Variants in CDH4 observed in about 807,000 individuals in gnomAD.
CDH4 encodes cadherin 4.
CDH4 carries 33 observed loss-of-function variants against 86.0 expected under a neutral mutation model. That is an observed-to-expected ratio of 0.38 (90% CI 0.29 to 0.51). The LOEUF (loss-of-function observed/expected upper bound fraction) is 0.51, where lower values mean the gene tolerates loss of function less well. CDH4 is among the 20% of genes least tolerant of loss of function. The probability of loss-of-function intolerance (pLI) is 0.86; values close to 1 mark genes in which losing one functional copy is unlikely to be tolerated. For synonymous variants in CDH4, 555 were observed against 549.4 expected (o/e 1.01, Z -0.14); for missense variants, 1,114 against 1,307.4 (o/e 0.85, Z 2.28).
intron 2 of CDH4, among the ~76,000 whole-genome samples, chr20:61,412,644 C>T (rs969419262): frequency 1.6e-4 from 25 of 152,126 alleles, no homozygotes; most frequent in African/African-American, 5.3e-4. Context: ...CAAGATGGGC[C>T]CAGCCCCACC....
At chr20:61,276,826 A>C (rs1464281387) in intron 2 of CDH4, among the ~76,000 whole-genome samples, 1 of 152,134 alleles carries the variant, frequency 6.6e-6, no homozygotes, top group Non-Finnish European at 1.5e-5. Flanking sequence ...CACATTGTTC[A>C]TTGCTGTTAT....
intron 2 of CDH4, among the ~76,000 whole-genome samples, chr20:61,460,160 CAG>C (rs1164113077): frequency 6.6e-6 from 1 of 152,184 alleles, no homozygotes; most frequent in East Asian, 1.9e-4. Context: ...AGGCTGTTAA[CAG>C]GGAGCGCTTT....
At chr20:61,765,826 A>C (rs73303033) in intron 3 of CDH4, among the ~76,000 whole-genome samples, 8,157 of 151,982 alleles carry the variant, frequency 0.054, 388 homozygotes, top group African/African-American at 0.13. Flanking sequence ...CTCCCATCTC[A>C]AACCCTCATC....
intron 2 of CDH4, among the ~76,000 whole-genome samples, chr20:61,414,136 G>A (rs375043819): frequency 1.3e-5 from 2 of 152,210 alleles, no homozygotes; most frequent in East Asian, 1.9e-4. Context: ...CCTTAAAGGC[G>A]CTACCGCAAA....
At chr20:61,727,396 A>G (rs2088128802) in intron 2 of CDH4, among the ~76,000 whole-genome samples, 1 of 152,028 alleles carries the variant, frequency 6.6e-6, no homozygotes, top group East Asian at 1.9e-4. Context: ...TCTTATCACC[A>G]TTGCTGCCAT....
At chr20:61,528,959 A>G (rs894545196) in intron 2 of CDH4, among the ~76,000 whole-genome samples, 17 of 152,308 alleles carry the variant, frequency 1.1e-4, no homozygotes, top group African/African-American at 4.1e-4. Flanking sequence ...CATTTTAGAA[A>G]GGTTCCCAAC....
intron 2 of CDH4, among the ~76,000 whole-genome samples, chr20:61,421,659 A>AT (rs2085178440): frequency 6.6e-6 from 1 of 152,100 alleles, no homozygotes; most frequent in Non-Finnish European, 1.5e-5. Flanking sequence ...TCAAAAAAAA[A>AT]GGAGGAACTG....
chr20:61,341,512 A>T (rs1478701863), intron 2 of CDH4, among the ~76,000 whole-genome samples: 2 of 148,756 alleles, frequency 1.3e-5, no homozygotes, highest in African/African-American at 5.1e-5. Flanking sequence ...TTGGTTTCAT[A>T]TACTTTTTTT....
intron 2 of CDH4, among the ~76,000 whole-genome samples, chr20:61,686,637 G>C (rs562488174): frequency 6.7e-6 from 1 of 150,006 alleles, no homozygotes; most frequent in South Asian, 2.1e-4. Context: ...GCACATTCTC[G>C]TGTGCATTCG....
rs2085842891 is a variant in CDH4 at position 61,518,568 on chromosome 20, A to T, written c.170-224995A>T. On this transcript the variant is annotated intron_variant, in intron 2 of 15. Coordinates refer to ENST00000614565, the MANE Select transcript of CDH4 (RefSeq NM_001794.5). This position sits in a 1 kb window ranked among gnomAD's most constrained non-coding sequence, Gnocchi z 6.3. ...TTCATCCATCATCCTTCTATTTGTCATCTATCCATCCATATATCATCCATC... is the reference window on the plus strand; with the variant it reads ...TTCATCCATCATCCTTCTATTTGTCTTCTATCCATCCATATATCATCCATC... 6.6e-6 allele frequency among the ~76,000 whole-genome samples: 1 copy of T among 150,568 alleles called. No individual in the cohort carries two copies. Among genetic ancestry groups the T allele is most frequent in the South Asian group, 2.1e-4 (1 of 4,714 alleles).
At chr20:61,262,008 G>C (rs1420335430) in intron 2 of CDH4, among the ~76,000 whole-genome samples, 2 of 152,204 alleles carry the variant, frequency 1.3e-5, no homozygotes, top group Admixed American at 1.3e-4. Flanking sequence ...CAGCGCTGGG[G>C]AAGCCGGGCA....
chr20:61,836,742 G>A (rs758345405), intron 4 of CDH4, among the ~76,000 whole-genome samples: 8 of 152,216 alleles, frequency 5.3e-5, no homozygotes, highest in Non-Finnish European at 1.0e-4. Context: ...GTTTCACGTC[G>A]CCGAATCTTG....
chr20:61,483,753 T>A (rs976089658), intron 2 of CDH4, among the ~76,000 whole-genome samples: 6 of 134,770 alleles, frequency 4.5e-5, no homozygotes, highest in Non-Finnish European at 9.2e-5. Flanking sequence ...GGAGAAACCA[T>A]GTGACTGACA....
At chr20:61,907,669 C>T (rs561528371) in intron 8 of CDH4, among the ~76,000 whole-genome samples, 5 of 152,182 alleles carry the variant, frequency 3.3e-5, no homozygotes, top group Admixed American at 1.3e-4. Flanking sequence ...GAGTGAGTCC[C>T]GAAGCTCCCT....
At chr20:61,656,004 G>A (rs768264123) in intron 2 of CDH4, among the ~76,000 whole-genome samples, 4 of 152,188 alleles carry the variant, frequency 2.6e-5, no homozygotes, top group Non-Finnish European at 5.9e-5. Context: ...AGTCCTGAAG[G>A]GACCCAGACC....
chr20:61,546,097 G>C (rs1188482273), intron 2 of CDH4, among the ~76,000 whole-genome samples: 15 of 6,368 alleles, frequency 2.4e-3, no homozygotes, highest in South Asian at 6.8e-3. Context: ...TGTGTGTGTG[G>C]AGGGGTGTGT....
chr20:61,353,714 C>T, intron 2 of CDH4, among the ~76,000 whole-genome samples: 1 of 4,646 alleles, frequency 2.2e-4, no homozygotes, highest in Non-Finnish European at 3.9e-4. Flanking sequence ...TCCTCCCCTG[C>T]TTCCCCTTTT....
Position 61,934,035 on chromosome 20 carries a change from C to T in CDH4, c.2380-21C>T, listed in dbSNP as rs541453868. 8 of 1,609,762 alleles carry T rather than the reference C, an allele frequency of 5.0e-6. No homozygotes were observed. In the South Asian group the frequency reaches 7.7e-5, roughly 16 times the overall value. ...GCGGATTCTTCTGATGCCCCTGACT[C>T]CTCCCGGCTCCCTCCCCCAGGACTA... On this transcript the variant is annotated intron_variant, in intron 14 of 15. Coordinates refer to ENST00000614565, the MANE Select transcript of CDH4 (RefSeq NM_001794.5).
intron 2 of CDH4, among the ~76,000 whole-genome samples, chr20:61,440,321 G>A (rs6061421): frequency 0.17 from 25,514 of 151,984 alleles, 2,231 homozygotes; most frequent in Non-Finnish European, 0.18. Context: ...TTCTAGACTC[G>A]TTTTTGCAAA....
Sources: allele counts gnomAD v4.1 joint callset (sites outside exome capture counted in the v4.1 genomes callset), GRCh38; gene constraint gnomAD v4.1.1; non-coding constraint Gnocchi (gnomAD v3.1); transcripts MANE v1.5; gene names NCBI Gene and HGNC (gene_info 2026-07-23, HGNC 2026-07-21).